Variants in WDR17 observed in about 807,000 individuals in gnomAD.
WDR17 encodes the protein WD repeat-containing protein 17.
Under a neutral mutation model 161.7 loss-of-function variants are expected in WDR17, and 143 were observed. That is an observed-to-expected ratio of 0.88 (90% CI 0.77 to 1.02). WDR17 has a LOEUF of 1.02. WDR17 is among the 50% of genes least tolerant of loss of function. The pLI, the probability that WDR17 is intolerant of heterozygous loss-of-function variation, is 0.00. For synonymous variants in WDR17, 517 were observed against 515.6 expected, an observed-to-expected ratio of 1.00 and a Z score of -0.04; for missense variants, 1,469 against 1,520.9, an observed-to-expected ratio of 0.97 and a Z score of 0.57.
At chr4:176,133,741 G>T (rs550752750) in intron 7 of WDR17, among the ~76,000 whole-genome samples, 35 of 151,322 alleles carry the variant, frequency 2.3e-4, no homozygotes, top group Admixed American at 1.4e-3. Flanking sequence ...TACATAGGAT[G>T]AGAAAAATAT....
chr4:176,131,849 A>G (rs993759648), intron 7 of WDR17, 111 bp downstream of exon 7: 4 of 862,776 alleles, frequency 4.6e-6, no homozygotes, highest in East Asian at 3.2e-5. Context: ...AAGTAATAAT[A>G]TACTAGAAAT....
At chr4:176,123,357 C>G (rs1013861360) in intron 4 of WDR17, among the ~76,000 whole-genome samples, 2 of 152,222 alleles carry the variant, frequency 1.3e-5, no homozygotes, top group East Asian at 3.9e-4. Flanking sequence ...ACTCGCTGAG[C>G]GTCCTCCAAT....
At chr4:176,120,155 G>C (rs527633808) in intron 4 of WDR17, 58 bp downstream of exon 4, 8 of 1,370,544 alleles carry the variant, frequency 5.8e-6, no homozygotes, top group Non-Finnish European at 7.9e-6. Context: ...ATATAATTTT[G>C]TACTTGCTTG....
chr4:176,155,546 T>G (rs189641006), intron 17 of WDR17, among the ~76,000 whole-genome samples: 4,727 of 108,844 alleles, frequency 0.043, 316 homozygotes, highest in East Asian at 0.27. Context: ...TTTGTTTGTG[T>G]TTTTTTTTTT....
At chr4:176,119,763 TAA>T in intron 3 of WDR17, 102 bp from the exon 4 acceptor site, 1 of 1,035,204 alleles carries the variant, frequency 9.7e-7, no homozygotes, top group African/African-American at 1.6e-5. Flanking sequence ...TAATGTATCT[TAA>T]AAATAATAAT....
chr4:176,155,608 G>A (rs936269949), intron 17 of WDR17, among the ~76,000 whole-genome samples: 4 of 139,032 alleles, frequency 2.9e-5, no homozygotes, highest in African/African-American at 1.1e-4. Flanking sequence ...GCAGTGATGT[G>A]ATCACAACTC....
chr4:176,119,824 T>G, intron 3 of WDR17, 43 bp from the exon 4 acceptor site: 1 of 1,535,728 alleles, frequency 6.5e-7, no homozygotes, highest in African/African-American at 1.4e-5. Context: ...GGTGTAATCT[T>G]ATGCTGTATC....
chr4:176,084,166 A>G (rs1022554186), intron 1 of WDR17, among the ~76,000 whole-genome samples: 19 of 152,150 alleles, frequency 1.2e-4, no homozygotes, highest in Admixed American at 9.8e-4. Flanking sequence ...CTATAAAGGC[A>G]TGCCCAAGGC....
chr4:176,152,938 A>C (rs1747455721), intron 17 of WDR17, among the ~76,000 whole-genome samples: 1 of 152,092 alleles, frequency 6.6e-6, no homozygotes, highest in South Asian at 2.1e-4. Context: ...CATCTCAAAA[A>C]AAAAAAAAGG....
intron 4 of WDR17, 58 bp downstream of exon 4, chr4:176,120,155 G>T (rs527633808): frequency 1.5e-6 from 2 of 1,370,658 alleles, no homozygotes; most frequent in Admixed American, 4.4e-5. Context: ...ATATAATTTT[G>T]TACTTGCTTG....
At chr4:176,176,832 C>T (rs1441310599) in intron 26 of WDR17, among the ~76,000 whole-genome samples, 1 of 152,160 alleles carries the variant, frequency 6.6e-6, no homozygotes, top group African/African-American at 2.4e-5. Flanking sequence ...ATTTACTCAT[C>T]CACCCAATGT....
chr4:176,136,381 A>T (rs1302607820), intron 8 of WDR17, among the ~76,000 whole-genome samples: 1 of 151,630 alleles, frequency 6.6e-6, no homozygotes, highest in Admixed American at 6.6e-5. Context: ...ATATTAGTTG[A>T]ATACTCTTCA....
rs1167889791 is a variant in WDR17 at position 176,115,845 on chromosome 4, A to G, written c.173A>G (p.His58Arg). Residue 58 changes from histidine to arginine, a missense_variant, in exon 3 of 29, where the codon CAT becomes CGT. Coordinates refer to ENST00000508596, the MANE Select transcript of WDR17 (RefSeq NM_181265.4). ...AAACTTCACGCAATTATGTCTGAACATAAAAAAACAATCACAGCAATTTCT... is the reference window on the plus strand; with the variant it reads ...AAACTTCACGCAATTATGTCTGAACGTAAAAAAACAATCACAGCAATTTCT... Reference protein sequence around the residue: ...EFKLHAIMSEHKKTITAISWC... With the variant: ...EFKLHAIMSERKKTITAISWC... 5.0e-6 allele frequency: 8 copies of G among 1,611,524 alleles called. No homozygotes were observed. The highest frequency in any genetic ancestry group is 6.8e-6 in the Non-Finnish European group (8 of 1,178,410).
Position 176,177,416 on chromosome 4 carries a change from A to C in WDR17, c.3549-55A>C, listed in dbSNP as rs1391812966. 6 of 1,440,746 alleles carry C rather than the reference A, an allele frequency of 4.2e-6. No individual in the cohort carries two copies. The African/African-American group carries it at 7.2e-5, about 17-fold the overall frequency. The allele number at this position is 1,440,746 out of a possible 1,614,324, so 89.2% of individuals were successfully genotyped here. ...ATCAGGGATAATTTCTAATCTAAAC[A>C]TCAAAAATTCTGTGATTCGACAAAA... On this transcript the variant is annotated intron_variant, in intron 27 of 28. Transcript: ENST00000508596.
At chr4:176,103,423 A>G (rs7691389) in intron 1 of WDR17, among the ~76,000 whole-genome samples, 49,910 of 151,662 alleles carry the variant, frequency 0.33, 8,872 homozygotes, top group East Asian at 0.43. Flanking sequence ...ACAGAAAATT[A>G]TGTTTCTTTC....
chr4:176,146,902 G>A (rs377211358), intron 12 of WDR17, among the ~76,000 whole-genome samples: 1 of 151,576 alleles, frequency 6.6e-6, no homozygotes, highest in Non-Finnish European at 1.5e-5. Context: ...CAGTCTCACT[G>A]TGTCGCCAGG....
intron 27 of WDR17, 100 bp downstream of exon 27, chr4:176,177,256 A>T: frequency 8.7e-7 from 1 of 1,144,414 alleles, no homozygotes. Flanking sequence ...TAGCAGAATA[A>T]TGAATCTTGA....
chr4:176,139,893 A>C lies in WDR17; in HGVS notation c.1361A>C (p.His454Pro). Residue 454 changes from histidine to proline, a missense_variant and splice_region_variant, in exon 10 of 29, where the codon CAT becomes CCT. His to Pro is a moderately conservative substitution (Grantham distance 77). Transcript: ENST00000508596. ...ATAGGTATTTTACATTTTTTGAAGC[A>C]TGGAACAAATGGAATATTCTGCATT... Reference protein sequence around the residue: ...KGKIIQRFNEHGTNGIFCIAW... With the variant: ...KGKIIQRFNEPGTNGIFCIAW... 1 of 1,605,056 alleles carries C rather than the reference A, an allele frequency of 6.2e-7. No homozygotes were observed. The highest frequency in any genetic ancestry group is 8.5e-7 in the Non-Finnish European group (1 of 1,176,706).
Position 176,135,295 on chromosome 4 carries a change from A to C in WDR17, c.1267+19A>C. 1 of 1,610,518 alleles carries C rather than the reference A, an allele frequency of 6.2e-7. No homozygotes were observed. The highest frequency in any genetic ancestry group is 8.5e-7 in the Non-Finnish European group (1 of 1,177,178). On this transcript the variant is annotated intron_variant, in intron 8 of 28. Coordinates refer to ENST00000508596, the MANE Select transcript of WDR17 (RefSeq NM_181265.4). Reference sequence around the variant, plus strand: ...GCTCCAGGTAAGAGATATTTTATTGAAATTAGGAATACAATGAAATGGCTT... The same window carrying C: ...GCTCCAGGTAAGAGATATTTTATTGCAATTAGGAATACAATGAAATGGCTT...
Sources: allele counts gnomAD v4.1 joint callset (sites outside exome capture counted in the v4.1 genomes callset), GRCh38; gene constraint gnomAD v4.1.1; transcripts MANE v1.5; gene names NCBI Gene and HGNC (gene_info 2026-07-23, HGNC 2026-07-21).